CCDC57: variants seen among roughly 807,000 people sequenced by gnomAD.
CCDC57 encodes the protein coiled-coil domain containing 57.
A neutral mutation model predicts 118.9 loss-of-function variants in CCDC57; 118 were observed. The observed-to-expected ratio is 0.99, with a 90% confidence interval of 0.86 to 1.16. The LOEUF is 1.16. CCDC57 is among the 50% of genes most tolerant of loss of function. The pLI is 0.00. For synonymous variants in CCDC57, 527 were observed against 532.9 expected (o/e 0.99, Z 0.15); for missense variants, 1,300 against 1,320.7 (o/e 0.98, Z 0.24).
intron 10 of CCDC57, among the ~76,000 whole-genome samples, 170 bp downstream of exon 9, chr17:82,178,857 G>C (rs1402042388): frequency 6.6e-6 from 1 of 152,256 alleles, no homozygotes; most frequent in Non-Finnish European, 1.5e-5. Context: ...GTCAAGGCGG[G>C]TGGACAGGCG....
chr17:82,170,258 C>G (rs531331492), intron 13 of CCDC57, among the ~76,000 whole-genome samples: 23 of 152,222 alleles, frequency 1.5e-4, no homozygotes, highest in African/African-American at 4.8e-4. Flanking sequence ...GCCTGTCATC[C>G]CAGCACTTTG....
intron 16 of CCDC57, among the ~76,000 whole-genome samples, chr17:82,148,417 A>G (rs1256113644): frequency 6.4e-5 from 1 of 15,600 alleles, no homozygotes; most frequent in Non-Finnish European, 1.1e-4. Flanking sequence ...GGATGGATGG[A>G]TAGGTGGGTG....
chr17:82,175,176 G>A (rs914741985), intron 11 of CCDC57, among the ~76,000 whole-genome samples: 1 of 152,240 alleles, frequency 6.6e-6, no homozygotes, highest in South Asian at 2.1e-4. Flanking sequence ...AGAACCAAAA[G>A]GAAGAAAGAA....
At position 82,170,040 on chromosome 17, in the gene CCDC57, G is replaced by C. The variant is rs556494068; in HGVS notation, c.1882+1661C>G. Reference sequence around the variant, plus strand: ...AACAATGGGCAAAAGACATGGCCTGGAGCTCCAAAAGAGGGGCTGTCGAAA... The same window carrying C: ...AACAATGGGCAAAAGACATGGCCTGCAGCTCCAAAAGAGGGGCTGTCGAAA... On this transcript the variant is annotated intron_variant, in intron 13 of 19. Transcript: ENST00000665763. Among the ~76,000 whole-genome samples the C allele has an allele frequency of 4.6e-5, 7 of 152,298 alleles. No homozygotes were observed. In the South Asian group the frequency reaches 1.5e-3, roughly 32 times the overall value.
intron 19 of CCDC57, among the ~76,000 whole-genome samples, chr17:82,110,011 C>T (rs1159633423): frequency 6.8e-6 from 1 of 147,812 alleles, no homozygotes; most frequent in African/African-American, 2.5e-5. Context: ...GACAGAGTCT[C>T]ACTCTGTCAC....
intron 16 of CCDC57, among the ~76,000 whole-genome samples, chr17:82,145,501 C>T (rs891466834): frequency 5.9e-5 from 9 of 151,828 alleles, no homozygotes; most frequent in Non-Finnish European, 1.3e-4. Flanking sequence ...GAGCCGAGAT[C>T]GCACCACTGC....
intron 19 of CCDC57, among the ~76,000 whole-genome samples, chr17:82,115,207 C>T (rs371188976): frequency 1.9e-3 from 284 of 151,524 alleles, no homozygotes; most frequent in African/African-American, 6.6e-3. Flanking sequence ...CCGAGCAGGG[C>T]AGTCACTGGA....
intron 3 of CCDC57, among the ~76,000 whole-genome samples, chr17:82,199,082 C>T (rs911648626): frequency 5.9e-5 from 9 of 151,288 alleles, no homozygotes; most frequent in Non-Finnish European, 1.0e-4. Flanking sequence ...ACCAAGATGA[C>T]ACAGACGCTG....
chr17:82,195,468 T>C, intron 4 of CCDC57, 104 bp from the exon 4 acceptor site: 1 of 859,872 alleles, frequency 1.2e-6, no homozygotes, highest in South Asian at 1.4e-5. Context: ...ACACAGTGTT[T>C]AACAGAGAAG....
At chr17:82,157,874 C>A in exon 15 of CCDC57, 1 of 1,582,024 alleles carries the variant, frequency 6.3e-7, no homozygotes, top group Non-Finnish European at 8.6e-7. Context: ...GCTCCAAAAC[C>A]TCCAGGTGTA....
intron 16 of CCDC57, among the ~76,000 whole-genome samples, chr17:82,148,198 C>G (rs1277728077): frequency 0.013 from 250 of 18,708 alleles, no homozygotes; most frequent in South Asian, 0.022. Flanking sequence ...TAGATGGGTG[C>G]GTGGATGGTA....
At chr17:82,150,840 C>T (rs1438655634) in intron 16 of CCDC57, among the ~76,000 whole-genome samples, 2 of 121,516 alleles carry the variant, frequency 1.6e-5, no homozygotes, top group Non-Finnish European at 3.3e-5. Context: ...GAACCTGACC[C>T]GCACCCAGAA....
chr17:82,139,663 C>T (rs1033352027), intron 16 of CCDC57, among the ~76,000 whole-genome samples: 23 of 117,322 alleles, frequency 2.0e-4, no homozygotes, highest in African/African-American at 5.5e-4. Context: ...GCCCCATCCA[C>T]GATTTTTGTG....
At chr17:82,113,826 G>A in intron 19 of CCDC57, 1 of 608,212 alleles carries the variant, frequency 1.6e-6, no homozygotes. Context: ...TGCACCTGTA[G>A]TCTCAGCTAC....
intron 16 of CCDC57, among the ~76,000 whole-genome samples, chr17:82,137,013 C>CT (rs36143411): frequency 0.46 from 57,087 of 125,142 alleles, 14,395 homozygotes; most frequent in East Asian, 0.88. Flanking sequence ...TGGTGTACTA[C>CT]TTTTTTTTTT....
At chr17:82,119,085 G>A (rs1281529080) in intron 19 of CCDC57, among the ~76,000 whole-genome samples, 2 of 111,048 alleles carry the variant, frequency 1.8e-5, no homozygotes, top group Admixed American at 1.9e-4. Context: ...CTGAGCGGGC[G>A]GGAGGTGGGG....
chr17:82,131,289 T>C (rs1325843661), intron 17 of CCDC57, among the ~76,000 whole-genome samples: 1 of 150,782 alleles, frequency 6.6e-6, no homozygotes, highest in African/African-American at 2.4e-5. Context: ...AAATTAACTG[T>C]GTCTGGTGGT....
chr17:82,137,666 CAGG>C (rs1356235317), intron 16 of CCDC57, among the ~76,000 whole-genome samples: 2 of 151,048 alleles, frequency 1.3e-5, no homozygotes, highest in African/African-American at 4.9e-5. Flanking sequence ...ATAAAGCTTT[CAGG>C]AGACTTTTCT....
chr17:82,211,212 G>C (rs895196491), intron 1 of CCDC57, among the ~76,000 whole-genome samples: 1 of 152,034 alleles, frequency 6.6e-6, no homozygotes, highest in Non-Finnish European at 1.5e-5. Flanking sequence ...CGCTGGGAAG[G>C]GCACAATTTC....
Sources: allele counts gnomAD v4.1 joint callset (sites outside exome capture counted in the v4.1 genomes callset), GRCh38; gene constraint gnomAD v4.1.1; transcripts MANE v1.5; gene names NCBI Gene and HGNC (gene_info 2026-07-23, HGNC 2026-07-21).